The following DEPDC1B variants were observed in gnomAD, a reference collection of about 807,000 sequenced individuals.
DEPDC1B encodes DEP domain containing 1B.
In DEPDC1B, 51 loss-of-function variants were observed where a neutral mutation model predicts 66.5. The observed-to-expected ratio is 0.77, with a 90% CI of 0.61 to 0.97. DEPDC1B has a LOEUF of 0.97. Ranked by LOEUF, DEPDC1B falls within the 50% of genes least tolerant of loss-of-function variation. DEPDC1B has a pLI of 0.00. For missense variants in DEPDC1B, 552 were observed against 637.1 expected, an observed-to-expected ratio of 0.87 and a Z score of 1.44; for synonymous variants, 226 against 223.6, an observed-to-expected ratio of 1.01 and a Z score of -0.10.
chr5:60,650,526 C>A (rs1753425151), intron 2 of DEPDC1B, among the ~76,000 whole-genome samples: 1 of 152,182 alleles, frequency 6.6e-6, no homozygotes. Context: ...AAACATTTCT[C>A]CAGACATTGC....
At chr5:60,680,311 C>T (rs541795031) in intron 2 of DEPDC1B, among the ~76,000 whole-genome samples, 1 of 152,248 alleles carries the variant, frequency 6.6e-6, no homozygotes, top group South Asian at 2.1e-4. Flanking sequence ...TCTGTAACAT[C>T]TCATTATTAT....
At chr5:60,602,998 C>T (rs1404605052) in intron 9 of DEPDC1B, among the ~76,000 whole-genome samples, 1 of 152,078 alleles carries the variant, frequency 6.6e-6, no homozygotes, top group Admixed American at 6.5e-5. Context: ...TGGCCTTAAG[C>T]GAAGTTATTT....
At chr5:60,664,888 C>T (rs1209297424) in intron 2 of DEPDC1B, among the ~76,000 whole-genome samples, 2 of 152,102 alleles carry the variant, frequency 1.3e-5, no homozygotes, top group Non-Finnish European at 2.9e-5. Context: ...TCCTAACTTC[C>T]AAGGGAACAC....
intron 2 of DEPDC1B, among the ~76,000 whole-genome samples, chr5:60,655,549 T>C (rs1158747227): frequency 6.7e-6 from 1 of 149,270 alleles, no homozygotes; most frequent in Non-Finnish European, 1.5e-5. Flanking sequence ...GGTCTATTGA[T>C]TTTGTTTATC....
intron 7 of DEPDC1B, among the ~76,000 whole-genome samples, chr5:60,615,880 G>C (rs1334761729): frequency 6.6e-6 from 1 of 152,184 alleles, no homozygotes; most frequent in South Asian, 2.1e-4. Flanking sequence ...AGCTTAACTG[G>C]GAGGCACCCC....
At chr5:60,681,117 G>A (rs2112016489) in intron 2 of DEPDC1B, among the ~76,000 whole-genome samples, 1 of 152,284 alleles carries the variant, frequency 6.6e-6, no homozygotes, top group South Asian at 2.1e-4. Flanking sequence ...TTTCCAGCAA[G>A]AACCCTTCAA....
chr5:60,598,049 A>G lies in DEPDC1B; in HGVS notation c.1429-135T>C, dbSNP rs1057380880. The G allele has an allele frequency of 3.1e-4, 218 of 702,414 alleles. 1 individual carries two copies. Among genetic ancestry groups the G allele is most frequent in the Non-Finnish European group, 3.3e-4 (149 of 455,510 alleles). 43.5% of individuals were successfully genotyped at this position (702,414 alleles called of 1,614,324 possible). A position where few individuals can be genotyped will look rare whatever the true frequency, so the allele number is the denominator to read the frequency against. On this transcript the variant is annotated intron_variant, in intron 10 of 10. Transcript: ENST00000265036. ...ATTTTTGTTAAAACATTTCATTCCA[A>G]TTTCTATAGAGCTAATCCATCTTTC...
intron 1 of DEPDC1B, among the ~76,000 whole-genome samples, chr5:60,694,087 GAAAC>G (rs1754605035): frequency 6.6e-6 from 1 of 152,028 alleles, no homozygotes; most frequent in Non-Finnish European, 1.5e-5. Context: ...AACACTCATT[GAAAC>G]AAACAAATTA....
intron 2 of DEPDC1B, among the ~76,000 whole-genome samples, chr5:60,667,603 T>G (rs1753881218): frequency 1.4e-5 from 2 of 143,770 alleles, no homozygotes; most frequent in African/African-American, 2.6e-5. Context: ...AATGGATATT[T>G]TACATATATA....
chr5:60,604,395 A>T (rs1752269779), intron 8 of DEPDC1B, among the ~76,000 whole-genome samples: 2 of 150,360 alleles, frequency 1.3e-5, no homozygotes, highest in Non-Finnish European at 3.0e-5. Flanking sequence ...TAATTTTTGT[A>T]ATTTTAATAG....
At chr5:60,600,533 C>T (rs1752181684) in intron 9 of DEPDC1B, among the ~76,000 whole-genome samples, 1 of 152,118 alleles carries the variant, frequency 6.6e-6, no homozygotes, top group South Asian at 2.1e-4. Flanking sequence ...AGTGTAGAGG[C>T]TTAGGAGCCT....
Position 60,603,587 on chromosome 5 carries a change from G to A in DEPDC1B, c.1066-20C>T. ...AACCATCTAAAAAAAGAGCGGGGTGGGGGGTAAACGCAGATGAGTATTTTT... is the reference window on the plus strand; with the variant it reads ...AACCATCTAAAAAAAGAGCGGGGTGAGGGGTAAACGCAGATGAGTATTTTT... On this transcript the variant is annotated intron_variant, in intron 8 of 10. Transcript: ENST00000265036. 6.4e-7 allele frequency: 1 copy of A among 1,559,684 alleles called. No homozygotes were observed. The highest frequency in any genetic ancestry group is 8.6e-7 in the Non-Finnish European group (1 of 1,160,384).
At chr5:60,676,875 T>C (rs1031469284) in intron 2 of DEPDC1B, among the ~76,000 whole-genome samples, 2 of 152,194 alleles carry the variant, frequency 1.3e-5, no homozygotes, top group African/African-American at 2.4e-5. Context: ...CAGTCTGGTA[T>C]AATATTATAG....
chr5:60,599,282 TG>T, intron 9 of DEPDC1B, 22 bp from the exon 10 acceptor site: 2 of 1,538,010 alleles, frequency 1.3e-6, no homozygotes, highest in Non-Finnish European at 1.8e-6. Flanking sequence ...GGATTAGTAG[TG>T]AAAGAATATA....
At chr5:60,676,697 T>C (rs1269040616) in intron 2 of DEPDC1B, among the ~76,000 whole-genome samples, 1 of 152,170 alleles carries the variant, frequency 6.6e-6, no homozygotes, top group African/African-American at 2.4e-5. Flanking sequence ...GATCCTGCAC[T>C]GTTTAGCCGA....
chr5:60,681,062 A>T (rs1754284624), intron 2 of DEPDC1B, among the ~76,000 whole-genome samples: 1 of 152,228 alleles, frequency 6.6e-6, no homozygotes, highest in African/African-American at 2.4e-5. Flanking sequence ...GAATTATGTG[A>T]TGAGGATGGA....
intron 1 of DEPDC1B, among the ~76,000 whole-genome samples, chr5:60,698,160 C>G (rs1028564346): frequency 6.6e-6 from 1 of 152,142 alleles, no homozygotes; most frequent in Non-Finnish European, 1.5e-5. Flanking sequence ...ATTTTCCTCC[C>G]TAAAGTTAGA....
chr5:60,663,860 TA>T (rs1481547113), intron 2 of DEPDC1B, among the ~76,000 whole-genome samples: 2 of 152,232 alleles, frequency 1.3e-5, no homozygotes, highest in African/African-American at 4.8e-5. Flanking sequence ...GCAGGTTAAA[TA>T]CTTAGGGCTA....
At chr5:60,627,100 T>C (rs1752822926) in intron 7 of DEPDC1B, among the ~76,000 whole-genome samples, 1 of 152,194 alleles carries the variant, frequency 6.6e-6, no homozygotes, top group African/African-American at 2.4e-5. Flanking sequence ...GTGCTACATT[T>C]TGTTTTCCAT....
Sources: gnomAD v4.1 joint callset for allele counts (sites outside exome capture counted in the v4.1 genomes callset) on GRCh38, gnomAD v4.1.1 for gene constraint, MANE v1.5 for transcripts, NCBI Gene and HGNC (gene_info 2026-07-23, HGNC 2026-07-21) for gene names.